Variants in PRKG1 observed in about 807,000 individuals in gnomAD.
PRKG1 encodes the protein cGMP-dependent protein kinase 1.
A neutral mutation model predicts 88.1 loss-of-function variants in PRKG1; 35 were observed. The ratio of observed to expected loss-of-function variants is 0.40; its 90% CI spans 0.30 to 0.53. PRKG1 has a LOEUF of 0.53. Ranked by LOEUF, PRKG1 falls within the 20% of genes least tolerant of loss-of-function variation. PRKG1 has a pLI of 0.59. For synonymous variants in PRKG1, 303 were observed against 292.5 expected (o/e 1.04, Z -0.37); for missense variants, 540 against 839.8 (o/e 0.64, Z 4.41).
At chr10:51,582,553 T>C (rs1282047656) in intron 3 of PRKG1, among the ~76,000 whole-genome samples, 1 of 151,450 alleles carries the variant, frequency 6.6e-6, no homozygotes. Flanking sequence ...GAACATGCAG[T>C]GTTTGGTTTT....
intron 5 of PRKG1, among the ~76,000 whole-genome samples, chr10:51,914,631 C>T (rs546159769): frequency 6.2e-4 from 94 of 152,300 alleles, no homozygotes; most frequent in Middle Eastern, 6.8e-3. Flanking sequence ...CCAATTTTCC[C>T]TTTAAAACAT....
intron 5 of PRKG1, among the ~76,000 whole-genome samples, chr10:51,919,522 C>T (rs924123489): frequency 4.2e-5 from 6 of 143,194 alleles, no homozygotes; most frequent in African/African-American, 9.8e-5. Context: ...CTGTGCAATA[C>T]CATTCTGCAG....
At chr10:51,032,653 G>A (rs186252139) in intron 1 of PRKG1, among the ~76,000 whole-genome samples, 6 of 152,234 alleles carry the variant, frequency 3.9e-5, no homozygotes, top group Admixed American at 3.9e-4. Context: ...CAACTACTCA[G>A]GAGGGTGAGG....
At chr10:51,229,943 A>G (rs933520198) in intron 2 of PRKG1, among the ~76,000 whole-genome samples, 21 of 130,804 alleles carry the variant, frequency 1.6e-4, no homozygotes, top group Middle Eastern at 4.1e-3. Flanking sequence ...AAAAAAAAAA[A>G]AAAAAGAAAA....
intron 2 of PRKG1, among the ~76,000 whole-genome samples, chr10:51,346,065 T>G (rs1457446572): frequency 1.3e-5 from 2 of 152,218 alleles, no homozygotes. Flanking sequence ...ATTTTATCAC[T>G]GATAGCCTGC....
intron 10 of PRKG1, among the ~76,000 whole-genome samples, chr10:52,263,963 T>G (rs1335293776): frequency 2.6e-5 from 4 of 152,170 alleles, no homozygotes; most frequent in Non-Finnish European, 5.9e-5. Context: ...TTTTATTTTC[T>G]ACATGTATGA....
intron 1 of PRKG1, among the ~76,000 whole-genome samples, chr10:51,113,951 G>GTT (rs1845042034): frequency 7.6e-6 from 1 of 130,942 alleles, no homozygotes; most frequent in African/African-American, 3.1e-5. Context: ...AAACGTGTGT[G>GTT]TGTGTGTGTG....
chr10:51,703,311 A>T (rs975279223), intron 3 of PRKG1, among the ~76,000 whole-genome samples: 1 of 152,204 alleles, frequency 6.6e-6, no homozygotes, highest in African/African-American at 2.4e-5. Flanking sequence ...CAAAGACAAG[A>T]ACTACAAATA....
rs115326633 is a variant in PRKG1 at position 51,433,589 on chromosome 10, C to T, written c.479-34134C>T. On this transcript the variant is annotated intron_variant, in intron 2 of 17. Coordinates refer to ENST00000373980, the MANE Select transcript of PRKG1 (RefSeq NM_006258.4). ...TTGGCTTTTAAATAATGACTCAATC[C>T]GAAGGACCGATTTTGTAAAATACTA... is the stretch of plus-strand genomic sequence containing the variant. Among the ~76,000 whole-genome samples the T allele has an allele frequency of 3.5e-3, 534 of 152,024 alleles. 2 individuals are homozygous for T. The highest frequency in any genetic ancestry group is 0.012 in the African/African-American group (500 of 41,512).
intron 2 of PRKG1, among the ~76,000 whole-genome samples, chr10:51,240,817 G>A (rs1839133144): frequency 1.3e-5 from 2 of 152,176 alleles, no homozygotes; most frequent in Non-Finnish European, 2.9e-5. Flanking sequence ...GACAATAAAA[G>A]TACTGACCTC....
intron 4 of PRKG1, among the ~76,000 whole-genome samples, chr10:51,829,460 C>A (rs561097723): frequency 1.3e-5 from 2 of 152,062 alleles, no homozygotes; most frequent in Admixed American, 1.3e-4. Context: ...TTTCTAGTTG[C>A]AGAAGATAAA....
At chr10:51,274,037 G>C (rs1014698800) in intron 2 of PRKG1, among the ~76,000 whole-genome samples, 1 of 152,134 alleles carries the variant, frequency 6.6e-6, no homozygotes, top group Non-Finnish European at 1.5e-5. Context: ...TCCCAAGTTT[G>C]TTGTGAGCTT....
At chr10:51,845,894 T>A (rs1840385464) in intron 4 of PRKG1, among the ~76,000 whole-genome samples, 1 of 152,096 alleles carries the variant, frequency 6.6e-6, no homozygotes, top group South Asian at 2.1e-4. Context: ...TTACTGAAAG[T>A]TATTTACATA....
At chr10:51,317,896 C>G (rs1347885799) in intron 2 of PRKG1, among the ~76,000 whole-genome samples, 2 of 152,160 alleles carry the variant, frequency 1.3e-5, no homozygotes, top group African/African-American at 4.8e-5. Flanking sequence ...ACAGTCTTTC[C>G]TGTAATGGGC....
intron 2 of PRKG1, among the ~76,000 whole-genome samples, chr10:51,223,960 G>A (rs1388909191): frequency 2.6e-5 from 4 of 152,076 alleles, no homozygotes; most frequent in Non-Finnish European, 4.4e-5. Context: ...GCTTTGATTA[G>A]GAGCAGGTTT....
At chr10:51,221,647 T>C (rs1012989983) in intron 2 of PRKG1, among the ~76,000 whole-genome samples, 1 of 151,654 alleles carries the variant, frequency 6.6e-6, no homozygotes, top group Non-Finnish European at 1.5e-5. Context: ...CAAACTTTTT[T>C]TTTCCTAACC....
chr10:52,041,719 G>T (rs917259341), intron 5 of PRKG1, among the ~76,000 whole-genome samples: 14 of 151,878 alleles, frequency 9.2e-5, no homozygotes, highest in African/African-American at 3.4e-4. Context: ...ATGTGTCCAG[G>T]AATTTATACA....
At chr10:51,108,819 G>C (rs146923311) in intron 1 of PRKG1, among the ~76,000 whole-genome samples, 76 of 152,250 alleles carry the variant, frequency 5.0e-4, no homozygotes, top group Admixed American at 8.5e-4. Context: ...AAAGGATGGA[G>C]TATAAATAGC....
At chr10:51,472,547 T>C (rs1459122271) in intron 3 of PRKG1, among the ~76,000 whole-genome samples, 5 of 152,070 alleles carry the variant, frequency 3.3e-5, no homozygotes, top group Admixed American at 1.3e-4. Flanking sequence ...AAAGGAGTCA[T>C]TGATGAAGTT....
Sources: gnomAD v4.1 joint callset for allele counts (sites outside exome capture counted in the v4.1 genomes callset) on GRCh38, gnomAD v4.1.1 for gene constraint, MANE v1.5 for transcripts, NCBI Gene and HGNC (gene_info 2026-07-23, HGNC 2026-07-21) for gene names.